FOXP2: variants seen among roughly 807,000 people sequenced by gnomAD.
FOXP2 encodes forkhead box P2.
In FOXP2, 12 loss-of-function variants were observed where a neutral mutation model predicts 115.8. The ratio of observed to expected loss-of-function variants is 0.10; its 90% CI spans 0.07 to 0.17. The LOEUF (loss-of-function observed/expected upper bound fraction) is 0.17. Ranked by LOEUF, FOXP2 falls within the 10% of genes least tolerant of loss-of-function variation. FOXP2 has a pLI of 1.00. For synonymous variants in FOXP2, 328 were observed against 297.7 expected, an observed-to-expected ratio of 1.10 and a Z score of -1.05; for missense variants, 629 against 843.5, an observed-to-expected ratio of 0.75 and a Z score of 3.15.
intron 3 of FOXP2, among the ~76,000 whole-genome samples, chr7:114,547,783 A>G (rs1270814273): frequency 6.6e-6 from 1 of 152,154 alleles, no homozygotes; most frequent in African/African-American, 2.4e-5. Flanking sequence ...GTATGTGATT[A>G]CAAGTAAGAT....
In FOXP2 at chr7:114,139,238, A is replaced by C. The variant is rs148218526; in HGVS notation, c.-246-23706A>C. Reference sequence around the variant, plus strand: ...TAGAGCGGAAAAAAATGAATGTTTAAGTAACTTTAAGTAGCAATACCCATC... The same window carrying C: ...TAGAGCGGAAAAAAATGAATGTTTACGTAACTTTAAGTAGCAATACCCATC... On this transcript the variant is annotated intron_variant, in intron 1 of 19. Transcript: ENST00000635638. Among the ~76,000 whole-genome samples the C allele has an allele frequency of 2.2e-3, 330 of 152,264 alleles. 1 individual carries two copies. Among genetic ancestry groups the C allele is most frequent in the Non-Finnish European group, 3.4e-3 (232 of 68,008 alleles).
intron 2 of FOXP2, among the ~76,000 whole-genome samples, chr7:114,361,709 A>G (rs539585970): frequency 3.5e-4 from 53 of 152,108 alleles, no homozygotes; most frequent in African/African-American, 1.3e-3. Flanking sequence ...CACTTTTTGC[A>G]TTGTCATTAA....
chr7:114,478,982 GA>G (rs981489714), intron 2 of FOXP2, among the ~76,000 whole-genome samples: 4 of 151,492 alleles, frequency 2.6e-5, no homozygotes, highest in African/African-American at 7.3e-5. Context: ...TTAGAAACAA[GA>G]AATAAAGGCC....
intron 2 of FOXP2, among the ~76,000 whole-genome samples, chr7:114,324,179 T>G (rs1797498954): frequency 6.6e-6 from 1 of 151,926 alleles, no homozygotes; most frequent in Admixed American, 6.5e-5. Flanking sequence ...CTTGCTTTTA[T>G]TTTAAAAAAA....
chr7:114,186,024 T>A (rs1490765041), intron 1 of FOXP2, among the ~76,000 whole-genome samples: 8 of 152,012 alleles, frequency 5.3e-5, no homozygotes, highest in Admixed American at 5.2e-4. Context: ...CTTACCCTTT[T>A]ATAATGGCAC....
rs1254688157 is a variant in FOXP2 at position 114,485,019 on chromosome 7, G to C, written c.169-49598G>C. Among the ~76,000 whole-genome samples the C allele has an allele frequency of 2.6e-5, 4 of 151,786 alleles. 1 individual carries two copies. The highest frequency in any genetic ancestry group is 2.6e-4 in the Admixed American group (4 of 15,232). ...AATTTTTACTTGAAAAAATCTGTTT[G>C]AAATATATGAATTTATGCATAGCTG... On this transcript the variant is annotated intron_variant, in intron 2 of 16. Coordinates refer to ENST00000350908, the MANE Select transcript of FOXP2 (RefSeq NM_014491.4).
intron 2 of FOXP2, among the ~76,000 whole-genome samples, chr7:114,521,695 A>G (rs1472553595): frequency 6.6e-6 from 1 of 152,178 alleles, no homozygotes; most frequent in Non-Finnish European, 1.5e-5. Context: ...ACTTAAAAAA[A>G]TAATGAAAGA....
At chr7:114,213,692 T>C (rs1445163765) in intron 1 of FOXP2, among the ~76,000 whole-genome samples, 2 of 152,214 alleles carry the variant, frequency 1.3e-5, no homozygotes, top group African/African-American at 2.4e-5. Context: ...CAACTCTTAG[T>C]TACCTAAGCC....
At chr7:114,544,696 A>G (rs1799832794) in intron 3 of FOXP2, among the ~76,000 whole-genome samples, 1 of 152,240 alleles carries the variant, frequency 6.6e-6, no homozygotes, top group Admixed American at 6.5e-5. Context: ...ATTCTTGGAT[A>G]GAATATCTCT....
chr7:114,201,643 A>G (rs1020107608), intron 1 of FOXP2, among the ~76,000 whole-genome samples: 2 of 152,190 alleles, frequency 1.3e-5, no homozygotes, highest in African/African-American at 4.8e-5. Flanking sequence ...CAAAAGATTA[A>G]CTTTGATTTA....
chr7:114,379,594 C>G (rs1332022323), intron 2 of FOXP2, among the ~76,000 whole-genome samples: 2 of 152,070 alleles, frequency 1.3e-5, no homozygotes, highest in Non-Finnish European at 2.9e-5. Flanking sequence ...CAGGGGTCCA[C>G]GGTGGATCTT....
chr7:114,403,109 G>C (rs1792931826), intron 2 of FOXP2, among the ~76,000 whole-genome samples: 1 of 152,058 alleles, frequency 6.6e-6, no homozygotes, highest in South Asian at 2.1e-4. Flanking sequence ...AAGTTATGTA[G>C]TCTGTATATT....
intron 2 of FOXP2, among the ~76,000 whole-genome samples, chr7:114,497,538 A>G (rs970770737): frequency 6.6e-6 from 1 of 152,118 alleles, no homozygotes; most frequent in Admixed American, 6.6e-5. Context: ...AATCCCAGCT[A>G]CTATGGAGGC....
chr7:114,128,802 A>G (rs1362303684), intron 1 of FOXP2, among the ~76,000 whole-genome samples: 1 of 152,172 alleles, frequency 6.6e-6, no homozygotes, highest in Non-Finnish European at 1.5e-5. Flanking sequence ...ATTGATTATG[A>G]AAACCCAGTT....
chr7:114,240,524 TAAAG>T (rs1424096606), intron 1 of FOXP2, among the ~76,000 whole-genome samples: 2 of 152,108 alleles, frequency 1.3e-5, no homozygotes, highest in African/African-American at 4.8e-5. Flanking sequence ...GTTTGTTTCT[TAAAG>T]AAGATATTCT....
intron 8 of FOXP2, among the ~76,000 whole-genome samples, chr7:114,646,060 TAAAAAAAAA>T (rs57137258): frequency 3.5e-5 from 3 of 85,660 alleles, no homozygotes; most frequent in African/African-American, 8.0e-5. Flanking sequence ...TTTTCTTCTC[TAAAAAAAAA>T]AAAAAAAAAA....
intron 2 of FOXP2, among the ~76,000 whole-genome samples, chr7:114,521,554 G>T (rs779286814): frequency 9.2e-6 from 1 of 108,978 alleles, no homozygotes; most frequent in African/African-American, 3.6e-5. Flanking sequence ...AAAAAAAAAA[G>T]GGTAGGGGTG....
chr7:114,556,926 CTG>C (rs1289665629), intron 3 of FOXP2, among the ~76,000 whole-genome samples: 2 of 152,110 alleles, frequency 1.3e-5, no homozygotes, highest in African/African-American at 4.8e-5. Flanking sequence ...TTTGAAAAAA[CTG>C]TAAAACAAGC....
chr7:114,522,448 A>G (rs1798670904), intron 2 of FOXP2, among the ~76,000 whole-genome samples: 2 of 152,196 alleles, frequency 1.3e-5, no homozygotes, highest in Admixed American at 6.6e-5. Context: ...TTGGTCTTCC[A>G]GCTACTGGCT....
Sources: gnomAD v4.1 joint callset for allele counts (sites outside exome capture counted in the v4.1 genomes callset) on GRCh38, gnomAD v4.1.1 for gene constraint, MANE v1.5 for transcripts, NCBI Gene and HGNC (gene_info 2026-07-23, HGNC 2026-07-21) for gene names.